Variants in ATF7IP observed in about 807,000 individuals in gnomAD.
The protein encoded by ATF7IP is activating transcription factor 7 interacting protein, also known as activating transcription factor 7-interacting protein 1.
In ATF7IP, 23 loss-of-function variants were observed where a neutral mutation model predicts 106.4. That is an observed-to-expected ratio of 0.22 (90% CI 0.16 to 0.31). The LOEUF (loss-of-function observed/expected upper bound fraction) is 0.31. Among genes scored for constraint, ATF7IP ranks in the 10% least tolerant of loss-of-function variants. The pLI, the probability that ATF7IP is intolerant of heterozygous loss-of-function variation, is 1.00. For synonymous variants in ATF7IP, 542 were observed against 539.0 expected (o/e 1.01, Z -0.08); for missense variants, 1,334 against 1,524.3 (o/e 0.88, Z 2.08).
intron 1 of ATF7IP, among the ~76,000 whole-genome samples, chr12:14,369,754 A>C (rs1403479863): frequency 6.6e-6 from 1 of 151,528 alleles, no homozygotes; most frequent in Non-Finnish European, 1.5e-5. Flanking sequence ...GTGTGTTAAG[A>C]TAAGTTGCTA....
At chr12:14,376,423 A>C (rs1938740058) in intron 1 of ATF7IP, among the ~76,000 whole-genome samples, 1 of 152,218 alleles carries the variant, frequency 6.6e-6, no homozygotes, top group Non-Finnish European at 1.5e-5. Flanking sequence ...TAGCCATTTG[A>C]TTCACATAGG....
At position 14,475,976 on chromosome 12, in the gene ATF7IP, A is replaced by G; in HGVS notation, c.2941+8A>G. 6.2e-7 allele frequency: 1 copy of G among 1,608,792 alleles called. No individual in the cohort carries two copies. Among genetic ancestry groups the G allele is most frequent in the Non-Finnish European group, 8.5e-7 (1 of 1,175,230 alleles). ...AGAGTGGAGCTTCACAAGGTACTTC[A>G]ATAGTAATTGTACTAAGCAACGTTT... is the stretch of plus-strand genomic sequence containing the variant. On this transcript the variant is annotated splice_region_variant and intron_variant, in intron 11 of 14. Coordinates refer to ENST00000261168, the MANE Select transcript of ATF7IP (RefSeq NM_018179.5).
intron 1 of ATF7IP, among the ~76,000 whole-genome samples, chr12:14,411,495 A>G (rs1224467620): frequency 1.3e-5 from 2 of 152,092 alleles, no homozygotes; most frequent in Non-Finnish European, 2.9e-5. Flanking sequence ...ATGTAACAAA[A>G]CTGCACATTC....
intron 2 of ATF7IP, among the ~76,000 whole-genome samples, chr12:14,427,227 A>C (rs1317977293): frequency 6.6e-6 from 1 of 151,910 alleles, no homozygotes; most frequent in Admixed American, 6.6e-5. Flanking sequence ...GGCTTAGGTG[A>C]TCCTCCCACC....
At chr12:14,435,237 C>G (rs956960687) in intron 3 of ATF7IP, among the ~76,000 whole-genome samples, 1 of 152,076 alleles carries the variant, frequency 6.6e-6, no homozygotes, top group Admixed American at 6.6e-5. Flanking sequence ...ATGGAAAGAT[C>G]ATTGGACTAG....
chr12:14,472,820 G>GTA (rs1565542058), intron 10 of ATF7IP, among the ~76,000 whole-genome samples: 1 of 151,394 alleles, frequency 6.6e-6, no homozygotes, highest in Non-Finnish European at 1.5e-5. Context: ...ATGAATGTAT[G>GTA]CACACACACA....
At chr12:14,376,814 T>C (rs912704811) in intron 1 of ATF7IP, among the ~76,000 whole-genome samples, 2 of 152,138 alleles carry the variant, frequency 1.3e-5, no homozygotes, top group Non-Finnish European at 2.9e-5. Flanking sequence ...TAAGATGCAA[T>C]CCTTGGGAGG....
chr12:14,434,504 T>C, intron 3 of ATF7IP, 81 bp downstream of exon 3: 1 of 941,506 alleles, frequency 1.1e-6, no homozygotes. Flanking sequence ...GTAATATTCT[T>C]TTTTGCCCAT....
chr12:14,423,557 C>T, intron 1 of ATF7IP, among the ~76,000 whole-genome samples: 3 of 97,656 alleles, frequency 3.1e-5, no homozygotes, highest in Admixed American at 2.0e-4. Context: ...ATTTTTCTTT[C>T]TCATTTTCTT....
chr12:14,480,953 T>C (rs1252876564), intron 12 of ATF7IP, 50 bp from the exon 13 acceptor site: 1 of 1,546,364 alleles, frequency 6.5e-7, no homozygotes, highest in Non-Finnish European at 8.9e-7. Context: ...TACTGTTTGC[T>C]TAACGTAGAA....
intron 1 of ATF7IP, chr12:14,416,830 A>G: frequency 1.2e-6 from 1 of 845,396 alleles, no homozygotes; most frequent in South Asian, 5.4e-5. Flanking sequence ...CTTTGAGCCA[A>G]TCAGACAGTG....
rs1278721243 is a variant in ATF7IP at position 14,377,388 on chromosome 12, C to G, written c.-8+11561C>G. Among the ~76,000 whole-genome samples, 84 of 147,046 alleles carry G rather than the reference C, an allele frequency of 5.7e-4. 1 individual carries two copies. On this transcript the variant is annotated intron_variant, in intron 1 of 14. Coordinates refer to ENST00000261168, the MANE Select transcript of ATF7IP (RefSeq NM_018179.5). ...TTTTTTTTTTTGAGACGTTGTCTTGCTGTGTCGCCCAGGCTGGAATGCAGT... is the reference window on the plus strand; with the variant it reads ...TTTTTTTTTTTGAGACGTTGTCTTGGTGTGTCGCCCAGGCTGGAATGCAGT...
intron 6 of ATF7IP, among the ~76,000 whole-genome samples, chr12:14,452,500 T>A (rs967849305): frequency 6.6e-6 from 1 of 152,146 alleles, no homozygotes; most frequent in Non-Finnish European, 1.5e-5. Context: ...TCGTTTTGTG[T>A]ATTTTCTTTA....
chr12:14,420,906 TGATGG>T (rs1448312735), intron 1 of ATF7IP, among the ~76,000 whole-genome samples: 2 of 152,202 alleles, frequency 1.3e-5, no homozygotes, highest in African/African-American at 4.8e-5. Flanking sequence ...TTCCTACTGG[TGATGG>T]TAATGGTAAG....
intron 1 of ATF7IP, among the ~76,000 whole-genome samples, chr12:14,384,817 C>T (rs1161698737): frequency 7.8e-6 from 1 of 128,470 alleles, no homozygotes; most frequent in Non-Finnish European, 1.6e-5. Context: ...AGGATTTAAA[C>T]AATTTTCTAG....
rs1394412141 is a variant in ATF7IP, at chr12:14,460,885, T to C, written c.2549T>C (p.Val850Ala). Reference sequence around the variant, plus strand: ...ACTAAACCAAACAACGTTCCTTCTGTGCCCAGTCCTAGTATTCAAAGGAAC... The same window carrying C: ...ACTAAACCAAACAACGTTCCTTCTGCGCCCAGTCCTAGTATTCAAAGGAAC... ...NPTKPNNVPS[V>A]PSPSIQRNPT... is the part of the protein sequence containing the mutation. The change falls in exon 9 of 15, where the codon GTG becomes GCG. Residue 850 changes from valine to alanine, a missense_variant. Val to Ala is a moderately conservative substitution (Grantham distance 64). This residue lies in a region of ATF7IP where 370 missense variants were observed against 401.2 expected (regional missense o/e 0.92). Transcript: ENST00000261168. 11 of 1,614,198 alleles carry C rather than the reference T, an allele frequency of 6.8e-6. No homozygotes were observed. The highest frequency in any genetic ancestry group is 9.3e-6 in the Non-Finnish European group (11 of 1,180,040).
In ATF7IP at chr12:14,468,384, T is replaced by G. The variant is rs73058780; in HGVS notation, c.2862+1794T>G. Among the ~76,000 whole-genome samples the G allele has an allele frequency of 7.0e-3, 1,061 of 151,566 alleles. 6 individuals are homozygous for G. Among genetic ancestry groups the G allele is most frequent in the South Asian group, 0.017 (82 of 4,802 alleles). On this transcript the variant is annotated intron_variant, in intron 10 of 14. Coordinates refer to ENST00000261168, the MANE Select transcript of ATF7IP (RefSeq NM_018179.5). ...GGTGGGGTGTAGTGGCTCACGTCTA[T>G]AATCCCGGCACTTTGGGAGGTGAAG... is the stretch of plus-strand genomic sequence containing the variant.
At chr12:14,370,516 T>A (rs1377030055) in intron 1 of ATF7IP, among the ~76,000 whole-genome samples, 6 of 152,210 alleles carry the variant, frequency 3.9e-5, no homozygotes, top group African/African-American at 1.2e-4. Flanking sequence ...TTCATTTGGT[T>A]AATTAAGAAA....
intron 5 of ATF7IP, among the ~76,000 whole-genome samples, chr12:14,443,887 TATA>T (rs1439768049): frequency 2.6e-5 from 4 of 152,102 alleles, no homozygotes; most frequent in Non-Finnish European, 2.9e-5. Flanking sequence ...AATTAGAAAA[TATA>T]ATGAGAAAAA....
Sources: allele counts gnomAD v4.1 joint callset (sites outside exome capture counted in the v4.1 genomes callset), GRCh38; gene constraint gnomAD v4.1.1; regional missense constraint gnomAD v4.1.1; transcripts MANE v1.5; gene names NCBI Gene and HGNC (gene_info 2026-07-23, HGNC 2026-07-21).